Variants in EFCAB8 observed in about 807,000 individuals in gnomAD.
The protein encoded by EFCAB8 is EF-hand calcium binding domain 8.
In EFCAB8, 100 loss-of-function variants were observed where a neutral mutation model predicts 116.3. The observed-to-expected ratio is 0.86, with a 90% CI of 0.73 to 1.02. The LOEUF (loss-of-function observed/expected upper bound fraction) is 1.02, where lower values mean the gene tolerates loss of function less well. Ranked by LOEUF, EFCAB8 falls within the 50% of genes least tolerant of loss-of-function variation. EFCAB8 has a pLI of 0.00. For missense variants in EFCAB8, 1,320 were observed against 1,416.9 expected, an observed-to-expected ratio of 0.93 and a Z score of 1.10; for synonymous variants, 558 against 567.9, an observed-to-expected ratio of 0.98 and a Z score of 0.25.
rs1449538340 is a variant in EFCAB8 at position 32,961,213 on chromosome 20, G to A, written c.3471G>A (p.Arg1157=). The change falls in exon 27 of 27, where the codon AGG becomes AGA. Residue 1157 remains arginine, a synonymous_variant. Transcript: ENST00000400522. Reference sequence around the variant, plus strand: ...AGCAGCCTGACTTCCTGACCAGCAGGGGCCCAGACCAGCAAGACCAGCACA... The same window carrying A: ...AGCAGCCTGACTTCCTGACCAGCAGAGGCCCAGACCAGCAAGACCAGCACA... ...PTQQPDFLTS[R]GPDQQDQHIR... The A allele has an allele frequency of 1.3e-6, 2 of 1,552,064 alleles. No individual in the cohort carries two copies. Among genetic ancestry groups the A allele is most frequent in the East Asian group, 2.4e-5 (1 of 40,912 alleles).
At chr20:32,867,789 A>G (rs1215849897) in intron 3 of EFCAB8, 42 bp downstream of exon 3, 1 of 1,542,618 alleles carries the variant, frequency 6.5e-7, no homozygotes, top group East Asian at 2.4e-5. Context: ...TGAGTTCTGC[A>G]ACAGGGCAGG....
chr20:32,918,666 T>C (rs1987314333), intron 19 of EFCAB8, 92 bp downstream of exon 19: 4 of 1,319,094 alleles, frequency 3.0e-6, no homozygotes, highest in Non-Finnish European at 3.2e-6. Flanking sequence ...TATTGGGATG[T>C]ACTTTTTCCA....
chr20:32,960,696 G>A (rs906346870), intron 26 of EFCAB8, among the ~76,000 whole-genome samples: 2 of 152,190 alleles, frequency 1.3e-5, no homozygotes, highest in Non-Finnish European at 2.9e-5. Context: ...AATATTGTGG[G>A]AGCTCCCTCC....
intron 22 of EFCAB8, among the ~76,000 whole-genome samples, chr20:32,939,146 T>A: frequency 1.9e-5 from 1 of 52,774 alleles, no homozygotes; most frequent in South Asian, 5.5e-4. Context: ...TTTCTTTCTT[T>A]CTTTCTTTCT....
intron 20 of EFCAB8, among the ~76,000 whole-genome samples, chr20:32,922,223 TC>T (rs1987491831): frequency 6.6e-6 from 1 of 152,204 alleles, no homozygotes; most frequent in Non-Finnish European, 1.5e-5. Context: ...GTGGGTTAGT[TC>T]CAGTTTTTAG....
In EFCAB8 at chr20:32,930,538, G is replaced by A. The variant is rs770932547; in HGVS notation, c.2553G>A (p.Gly851=). The part of the protein sequence containing the change: ...LGKFPVDLDN[G]DVVVGAMATD... ...AGTTCCCTGTGGACCTAGACAATGG[G>A]GATGTTGTCGTGGGTGCCATGGCCA... Residue 851 remains glycine, a synonymous_variant, in exon 21 of 27, where the codon GGG becomes GGA. Coordinates refer to ENST00000400522, the MANE Select transcript of EFCAB8 (RefSeq NM_001143967.2). The A allele has an allele frequency of 2.6e-6, 4 of 1,552,250 alleles. No homozygotes were observed. The African/African-American group carries it at 5.5e-5, about 21-fold the overall frequency.
At chr20:32,910,069 C>G (rs1986848971) in intron 15 of EFCAB8, 138 bp downstream of exon 15, 3 of 418,644 alleles carry the variant, frequency 7.2e-6, no homozygotes, top group Non-Finnish European at 1.2e-5. Flanking sequence ...GATGGTGGTG[C>G]TGGGGCAGCG....
intron 13 of EFCAB8, among the ~76,000 whole-genome samples, chr20:32,907,427 A>G (rs963286212): frequency 6.6e-6 from 1 of 152,058 alleles, no homozygotes; most frequent in East Asian, 1.9e-4. Context: ...CCTGGCCATG[A>G]GGGCTGGGCT....
In EFCAB8 at chr20:32,943,652, C is replaced by A. The variant is rs1229662184; in HGVS notation, c.2807C>A (p.Thr936Asn). ...CCCCTATAGGTTGTGGCTGGCCATA[C>A]CATTTCCCTGGTTCCCCCCACGCTC... ...LEDKEVVAGH[T>N]ISLVPPTLLM... Residue 936 changes from threonine (T) to asparagine (N), a missense_variant, in exon 23 of 27, where the codon ACC (threonine) becomes AAC (asparagine). By Grantham distance (65) the Thr-to-Asn change is moderately conservative. Coordinates refer to ENST00000400522, the MANE Select transcript of EFCAB8 (RefSeq NM_001143967.2). The A allele has an allele frequency of 4.8e-6, 2 of 417,056 alleles. No homozygotes were observed. Among genetic ancestry groups the A allele is most frequent in the East Asian group, 7.1e-5 (2 of 28,080 alleles). 25.8% of individuals were successfully genotyped at this position (417,056 alleles called of 1,614,324 possible).
chr20:32,948,556 GAAAGAAAGAAAGAAA>G (rs1988686325), intron 23 of EFCAB8, among the ~76,000 whole-genome samples: 1 of 145,754 alleles, frequency 6.9e-6, no homozygotes, highest in Non-Finnish European at 1.5e-5. Flanking sequence ...AAGAAAGAAA[GAAAGAAAGAAAGAAA>G]GAAAGAAAGA....
At position 32,920,207 on chromosome 20, in the gene EFCAB8, G is replaced by A. The variant is rs1312822302; in HGVS notation, c.2404G>A (p.Val802Met). ...TATGTTGGTTCAATCCAGTGCCTCG[G>A]TGGAGAAGGTTGGCCGTGATCAGCC... Reference protein sequence around the residue: ...KNMLVQSSASVEKIIFLQTRP... With the variant: ...KNMLVQSSASMEKIIFLQTRP... The change falls in exon 20 of 27, where the codon GTG (valine) becomes ATG (methionine). Residue 802 changes from valine (V) to methionine (M), a missense_variant. Transcript: ENST00000400522. The A allele has an allele frequency of 6.4e-7, 1 of 1,551,570 alleles. No homozygotes were observed. The highest frequency in any genetic ancestry group is 8.7e-7 in the Non-Finnish European group (1 of 1,146,996).
intron 9 of EFCAB8, 68 bp from the exon 10 acceptor site, chr20:32,896,386 C>G: frequency 1.4e-6 from 1 of 704,486 alleles, no homozygotes; most frequent in Non-Finnish European, 2.6e-6. Flanking sequence ...AAGACGTCTT[C>G]TGAGGCTTTG....
rs949246842 is a variant in EFCAB8 at position 32,940,204 on chromosome 20, T to C, written c.2791-3432T>C. ...ATGAAGTTAAGTAATCAAGACAATGTGATACTGGCATAAAGAAAGACATGT... is the reference window on the plus strand; with the variant it reads ...ATGAAGTTAAGTAATCAAGACAATGCGATACTGGCATAAAGAAAGACATGT... On this transcript the variant is annotated intron_variant, in intron 22 of 26. Coordinates refer to ENST00000400522, the MANE Select transcript of EFCAB8 (RefSeq NM_001143967.2). Among the ~76,000 whole-genome samples, 5 of 149,080 alleles carry C rather than the reference T, an allele frequency of 3.4e-5. 2 individuals carry two copies. The highest frequency in any genetic ancestry group is 1.3e-4 in the African/African-American group (5 of 39,980).
intron 23 of EFCAB8, among the ~76,000 whole-genome samples, chr20:32,955,823 C>T (rs1481062685): frequency 6.6e-6 from 1 of 152,112 alleles, no homozygotes; most frequent in East Asian, 1.9e-4. Flanking sequence ...AAAGCTGTTT[C>T]TCTATTTTTT....
In EFCAB8 at chr20:32,875,138, C is replaced by T. The variant is rs191828724; in HGVS notation, c.209-788C>T. ...AATGGGAGTTGGTCTTTTTTAGTGC[C>T]TCCCCTCCCCACACTGCTGTGGGAC... On this transcript the variant is annotated intron_variant, in intron 3 of 26. Coordinates refer to ENST00000400522, the MANE Select transcript of EFCAB8 (RefSeq NM_001143967.2). Among the ~76,000 whole-genome samples the T allele has an allele frequency of 1.0e-3, 158 of 152,282 alleles. 1 individual carries two copies. In the Middle Eastern group the frequency reaches 0.017, roughly 16 times the overall value.
chr20:32,877,688 G>A (rs1452809478), intron 4 of EFCAB8, among the ~76,000 whole-genome samples: 1 of 152,232 alleles, frequency 6.6e-6, no homozygotes, highest in East Asian at 1.9e-4. Flanking sequence ...TGGCTGCTTT[G>A]GGCCTTGGCC....
Position 32,931,496 on chromosome 20 carries a change from C to T in EFCAB8, c.2790+160C>T, listed in dbSNP as rs146714108. The T allele has an allele frequency of 4.9e-5, 28 of 571,968 alleles. No individual in the cohort carries two copies. The East Asian group carries it at 2.4e-3, about 50-fold the overall frequency. The allele number at this position is 571,968 out of a possible 1,614,324, so 35.4% of individuals were successfully genotyped here. Reference sequence around the variant, plus strand: ...ATTCGTGGCCAGTCGTGGTGGCCCACGCCTGTAATCCCAGCACTTTGGGAG... The same window carrying T: ...ATTCGTGGCCAGTCGTGGTGGCCCATGCCTGTAATCCCAGCACTTTGGGAG... On this transcript the variant is annotated intron_variant, in intron 22 of 26. Coordinates refer to ENST00000400522, the MANE Select transcript of EFCAB8 (RefSeq NM_001143967.2).
At position 32,889,304 on chromosome 20, in the gene EFCAB8, A is replaced by G; in HGVS notation, c.571A>G (p.Asn191Asp). 6.4e-7 allele frequency: 1 copy of G among 1,551,462 alleles called. No individual in the cohort carries two copies. Among genetic ancestry groups the G allele is most frequent in the African/African-American group, 1.4e-5 (1 of 73,138 alleles). The change falls in exon 7 of 27, where the codon AAC becomes GAC. Residue 191 changes from asparagine (N) to aspartate (D), a missense_variant. Physicochemically the swap from Asn to Asp is conservative, Grantham distance 23. Coordinates refer to ENST00000400522, the MANE Select transcript of EFCAB8 (RefSeq NM_001143967.2). ...SFSLMSSFRLNQTQQLYNQPM... is the reference protein window; with the variant it reads ...SFSLMSSFRLDQTQQLYNQPM... ...CCTCTGCTCTTCCTCTGGCCAGCTT[A>G]ACCAGACCCAGCAGCTCTACAACCA...
At chr20:32,888,632 A>G (rs371419521) in intron 6 of EFCAB8, among the ~76,000 whole-genome samples, 12 of 152,354 alleles carry the variant, frequency 7.9e-5, no homozygotes, top group African/African-American at 2.6e-4. Flanking sequence ...CTGAGATTAC[A>G]GGCGTGAGCC....
Sources: gnomAD v4.1 joint callset for allele counts (sites outside exome capture counted in the v4.1 genomes callset) on GRCh38, gnomAD v4.1.1 for gene constraint, MANE v1.5 for transcripts, NCBI Gene and HGNC (gene_info 2026-07-23, HGNC 2026-07-21) for gene names.